The following HSD17B3 variants were observed in gnomAD, a reference collection of about 807,000 sequenced individuals.
HSD17B3 encodes the protein 17-beta-hydroxysteroid dehydrogenase type 3.
In HSD17B3, 29 loss-of-function variants were observed where a neutral mutation model predicts 41.1. That is an observed-to-expected ratio of 0.71 (90% CI 0.53 to 0.96). The LOEUF (loss-of-function observed/expected upper bound fraction) is 0.96. HSD17B3 is among the 40% of genes least tolerant of loss of function. HSD17B3 has a pLI of 0.00. For synonymous variants in HSD17B3, 126 were observed against 145.6 expected (o/e 0.87, Z 0.97); for missense variants, 323 against 374.6 (o/e 0.86, Z 1.14).
chr9:96,248,378 C>A (rs1836757916), intron 6 of HSD17B3, among the ~76,000 whole-genome samples: 2 of 152,202 alleles, frequency 1.3e-5, no homozygotes, highest in African/African-American at 2.4e-5. Flanking sequence ...TACTCTGCCT[C>A]CATTTCCCCT....
At position 96,244,328 on chromosome 9, in the gene HSD17B3, C is replaced by T. The variant is rs1434833641; in HGVS notation, c.672+1G>A. 16 of 1,614,032 alleles carry T rather than the reference C, an allele frequency of 9.9e-6. No homozygotes were observed. Among genetic ancestry groups the T allele is most frequent in the Non-Finnish European group, 1.3e-5 (15 of 1,179,980 alleles). The stretch of plus-strand genomic sequence containing the variant: ...AAGGACTCCACAGCTGCCCACCTCA[C>T]CTGGATGATGACTTCTTTTGCTTTA... On this transcript the variant is annotated splice_donor_variant, in intron 9 of 10. Transcript: ENST00000375263. LOFTEE classifies it high-confidence loss of function.
At chr9:96,298,268 T>A in intron 2 of HSD17B3, 148 bp downstream of exon 2, 1 of 755,454 alleles carries the variant, frequency 1.3e-6, no homozygotes, top group South Asian at 1.4e-5. Flanking sequence ...GAGATTATTA[T>A]TTTTGTTTGC....
Position 96,248,142 on chromosome 9 carries a change from G to A in HSD17B3, c.490-1552C>T, listed in dbSNP as rs896467342. ...ACTAAAAGGTCAGTTGTAAAATAAC[G>A]TGAAAGACTTTAGTGGTAAGGCTGC... On this transcript the variant is annotated intron_variant, in intron 6 of 10. Transcript: ENST00000375263. Among the ~76,000 whole-genome samples, 20 of 152,134 alleles carry A rather than the reference G, an allele frequency of 1.3e-4. No homozygotes were observed. The East Asian group carries it at 3.3e-3, about 25-fold the overall frequency.
At chr9:96,261,557 G>A (rs1825858511) in intron 2 of HSD17B3, among the ~76,000 whole-genome samples, 1 of 152,240 alleles carries the variant, frequency 6.6e-6, no homozygotes, top group African/African-American at 2.4e-5. Context: ...AGAGTGCTGG[G>A]TGGCAGGGCC....
At chr9:96,243,501 T>C (rs2130710395) in intron 9 of HSD17B3, among the ~76,000 whole-genome samples, 1 of 152,370 alleles carries the variant, frequency 6.6e-6, no homozygotes, top group African/African-American at 2.4e-5. Context: ...CTGGATATTT[T>C]AATTGAAAAT....
intron 9 of HSD17B3, 164 bp downstream of exon 9, chr9:96,244,165 A>G (rs1250646672): frequency 1.3e-6 from 1 of 766,332 alleles, no homozygotes; most frequent in Non-Finnish European, 2.4e-6. Flanking sequence ...CCAAAAGCCC[A>G]CGTGGCATCC....
chr9:96,247,934 A>G (rs1836738032), intron 6 of HSD17B3, among the ~76,000 whole-genome samples: 1 of 152,224 alleles, frequency 6.6e-6, no homozygotes, highest in Non-Finnish European at 1.5e-5. Flanking sequence ...GCTTCTAACC[A>G]GCATGGTTCA....
intron 2 of HSD17B3, among the ~76,000 whole-genome samples, chr9:96,285,910 AGCT>A (rs1293648112): frequency 1.3e-5 from 2 of 152,230 alleles, no homozygotes; most frequent in African/African-American, 2.4e-5. Flanking sequence ...TTTGAACCAG[AGCT>A]ACTCCATCTT....
At chr9:96,269,049 G>A (rs891023209) in intron 2 of HSD17B3, among the ~76,000 whole-genome samples, 8 of 151,188 alleles carry the variant, frequency 5.3e-5, no homozygotes, top group South Asian at 2.1e-4. Flanking sequence ...CAGTTTCATC[G>A]TGCCAACATC....
In HSD17B3 at chr9:96,249,155, G is replaced by A. The variant is rs969224417; in HGVS notation, c.489+596C>T. Among the ~76,000 whole-genome samples, 10 of 152,116 alleles carry A rather than the reference G, an allele frequency of 6.6e-5. No homozygotes were observed. The East Asian group carries it at 7.7e-4, about 12-fold the overall frequency. The stretch of plus-strand genomic sequence containing the variant: ...CTCCTGACCTCAGGTGATCTACCTC[G>A]GCCTCCCAAAGTGCTGGGATTACAG... On this transcript the variant is annotated intron_variant, in intron 6 of 10. Coordinates refer to ENST00000375263, the MANE Select transcript of HSD17B3 (RefSeq NM_000197.2).
chr9:96,270,058 A>G (rs908456715), intron 2 of HSD17B3, among the ~76,000 whole-genome samples: 9 of 152,230 alleles, frequency 5.9e-5, no homozygotes, highest in Non-Finnish European at 1.0e-4. Flanking sequence ...GATTATTAAA[A>G]TAAGTGTTTT....
chr9:96,268,188 G>C (rs1357241885), intron 2 of HSD17B3, among the ~76,000 whole-genome samples: 1 of 152,218 alleles, frequency 6.6e-6, no homozygotes, highest in East Asian at 1.9e-4. Flanking sequence ...GCCTCCCAAA[G>C]TGCTGGGATT....
At chr9:96,298,321 G>T in intron 2 of HSD17B3, 95 bp downstream of exon 2, 1 of 965,554 alleles carries the variant, frequency 1.0e-6, no homozygotes, top group Non-Finnish European at 1.7e-6. Flanking sequence ...AATGCATACT[G>T]CTTTTATATT....
intron 1 of HSD17B3, among the ~76,000 whole-genome samples, chr9:96,301,561 A>G (rs1827605754): frequency 6.6e-6 from 1 of 151,410 alleles, no homozygotes; most frequent in African/African-American, 2.4e-5. Context: ...AATACAAAAA[A>G]TTAGCCAGCC....
chr9:96,255,755 A>G (rs900919981), intron 2 of HSD17B3, among the ~76,000 whole-genome samples: 4 of 152,152 alleles, frequency 2.6e-5, no homozygotes, highest in African/African-American at 7.2e-5. Flanking sequence ...ACTCGACCTG[A>G]GACCTTTCTT....
intron 2 of HSD17B3, among the ~76,000 whole-genome samples, chr9:96,262,018 T>C (rs1587741987): frequency 6.6e-6 from 1 of 152,098 alleles, no homozygotes; most frequent in Non-Finnish European, 1.5e-5. Context: ...AAGGACTTTG[T>C]TTCTCCTAGG....
chr9:96,288,885 C>T (rs1341564309), intron 2 of HSD17B3, among the ~76,000 whole-genome samples: 3 of 151,198 alleles, frequency 2.0e-5, no homozygotes, highest in East Asian at 3.9e-4. Context: ...CGCAATGAGC[C>T]GAAATTGCGC....
intron 7 of HSD17B3, 172 bp downstream of exon 7, chr9:96,246,384 C>A: frequency 1.5e-6 from 1 of 686,286 alleles, no homozygotes; most frequent in South Asian, 1.7e-5. Context: ...GCAGAGCTGG[C>A]CTGGCCCAGA....
rs770305727 is a variant in HSD17B3 at position 96,302,010 on chromosome 9, A to G, written c.95T>C (p.Leu32Ser). 17 of 1,614,040 alleles carry G rather than the reference A, an allele frequency of 1.1e-5. No individual in the cohort carries two copies. In the Admixed American group the frequency reaches 2.5e-4, roughly 24 times the overall value. ...AKCVRFSRCV[L>S]LNYWKVLPKS... is the part of the protein sequence containing the mutation. ...TGGCAAAACTTTCCAGTAGTTCAGT[A>G]AAACACATCTGGAGAATCTCACGCA... The change falls in exon 1 of 11, where the codon TTA becomes TCA. Residue 32 changes from leucine (L) to serine (S), a missense_variant. Coordinates refer to ENST00000375263, the MANE Select transcript of HSD17B3 (RefSeq NM_000197.2).
Sources: allele counts gnomAD v4.1 joint callset (sites outside exome capture counted in the v4.1 genomes callset), GRCh38; gene constraint gnomAD v4.1.1; transcripts MANE v1.5; gene names NCBI Gene and HGNC (gene_info 2026-07-23, HGNC 2026-07-21).